Variants in EXOC4 observed in about 807,000 individuals in gnomAD.
EXOC4 encodes the protein SEC8-like 1.
Under a neutral mutation model 107.2 loss-of-function variants are expected in EXOC4, and 71 were observed. The ratio of observed to expected loss-of-function variants is 0.66; its 90% CI spans 0.55 to 0.81. The LOEUF (loss-of-function observed/expected upper bound fraction) is 0.81, where lower values mean the gene tolerates loss of function less well. Among genes scored for constraint, EXOC4 ranks in the 30% least tolerant of loss-of-function variants. The pLI is 0.00. For synonymous variants in EXOC4, 456 were observed against 441.2 expected (o/e 1.03, Z -0.42); for missense variants, 1,108 against 1,189.6 (o/e 0.93, Z 1.01).
intron 9 of EXOC4, among the ~76,000 whole-genome samples, chr7:133,591,078 TGAGTA>T (rs1375595691): frequency 6.6e-6 from 1 of 152,150 alleles, no homozygotes; most frequent in Non-Finnish European, 1.5e-5. Context: ...GGCTGTGGGC[TGAGTA>T]AAGAAGCCAC....
chr7:133,917,486 G>A, intron 12 of EXOC4, 97 bp from the exon 13 acceptor site: 1 of 1,197,796 alleles, frequency 8.3e-7, no homozygotes, highest in South Asian at 1.5e-5. Context: ...GGAGAGATGA[G>A]TGTGATTTCT....
chr7:133,363,995 A>C (rs571294037), intron 6 of EXOC4, among the ~76,000 whole-genome samples: 1 of 152,274 alleles, frequency 6.6e-6, no homozygotes, highest in African/African-American at 2.4e-5. Context: ...CTGTATTTCA[A>C]ATTGTCTGGG....
chr7:133,932,280 A>T (rs1165318332), intron 13 of EXOC4, among the ~76,000 whole-genome samples: 1 of 152,228 alleles, frequency 6.6e-6, no homozygotes, highest in Non-Finnish European at 1.5e-5. Context: ...CTTAAAGAGC[A>T]CTGTCAAGGG....
chr7:133,844,373 T>A (rs1214380032), intron 11 of EXOC4, among the ~76,000 whole-genome samples: 4 of 144,120 alleles, frequency 2.8e-5, no homozygotes, highest in South Asian at 4.5e-4. Flanking sequence ...GATTCCCACA[T>A]ATTCCTTTTT....
At chr7:133,980,372 T>TC (rs1432087629) in intron 14 of EXOC4, among the ~76,000 whole-genome samples, 1 of 152,252 alleles carries the variant, frequency 6.6e-6, no homozygotes, top group East Asian at 1.9e-4. Flanking sequence ...GCTGAGCACT[T>TC]ACTGTGTGCC....
intron 8 of EXOC4, among the ~76,000 whole-genome samples, chr7:133,476,903 T>G (rs929231318): frequency 1.3e-5 from 2 of 152,216 alleles, no homozygotes; most frequent in African/African-American, 4.8e-5. Flanking sequence ...ATGTTTTCTA[T>G]TGCGATCACG....
intron 9 of EXOC4, among the ~76,000 whole-genome samples, chr7:133,561,969 T>C (rs1215038448): frequency 6.6e-6 from 1 of 152,198 alleles, no homozygotes; most frequent in African/African-American, 2.4e-5. Context: ...AGCTCACATT[T>C]ATTTCAGTAT....
At chr7:134,037,625 A>G (rs1387495192) in intron 17 of EXOC4, among the ~76,000 whole-genome samples, 1 of 152,168 alleles carries the variant, frequency 6.6e-6, no homozygotes, top group Non-Finnish European at 1.5e-5. Flanking sequence ...CTTTATAAAC[A>G]TGAACGTGAA....
chr7:133,878,723 T>A (rs1382367774), intron 11 of EXOC4, among the ~76,000 whole-genome samples: 5 of 152,090 alleles, frequency 3.3e-5, no homozygotes, highest in Non-Finnish European at 7.4e-5. Context: ...GTTTTTTTTA[T>A]GTTTGTTTGT....
chr7:133,284,198 A>C (rs562560744), intron 2 of EXOC4, among the ~76,000 whole-genome samples: 1 of 152,298 alleles, frequency 6.6e-6, no homozygotes, highest in South Asian at 2.1e-4. Context: ...TCCTAGTGTG[A>C]AGTGACACAA....
intron 17 of EXOC4, among the ~76,000 whole-genome samples, chr7:134,051,289 T>C (rs1585353422): frequency 6.6e-6 from 1 of 152,182 alleles, no homozygotes; most frequent in South Asian, 2.1e-4. Context: ...CCCACCTGAC[T>C]GGCAGGAACA....
chr7:133,455,062 G>A (rs1288365976), intron 7 of EXOC4, among the ~76,000 whole-genome samples: 2 of 152,076 alleles, frequency 1.3e-5, no homozygotes, highest in Non-Finnish European at 2.9e-5. Flanking sequence ...CTCCAGCTGG[G>A]CAACAGAGTG....
At chr7:133,579,686 C>CT (rs11368284) in intron 9 of EXOC4, among the ~76,000 whole-genome samples, 140 of 139,798 alleles carry the variant, frequency 1.0e-3, no homozygotes, top group Admixed American at 3.4e-3. Context: ...CACAACTTTA[C>CT]TTTTTTTTTT....
intron 7 of EXOC4, 32 bp from the exon 8 acceptor site, chr7:133,475,296 A>G (rs1450049852): frequency 6.4e-7 from 1 of 1,552,644 alleles, no homozygotes; most frequent in Middle Eastern, 1.7e-4. Context: ...AAATGTGTAT[A>G]TTAACATTAA....
At chr7:133,358,616 C>G (rs1223453938) in intron 6 of EXOC4, among the ~76,000 whole-genome samples, 1 of 152,134 alleles carries the variant, frequency 6.6e-6, no homozygotes, top group Non-Finnish European at 1.5e-5. Context: ...TTCTGGTTTG[C>G]TCTTTGCCTG....
chr7:133,485,303 C>G (rs1449151985), intron 9 of EXOC4, among the ~76,000 whole-genome samples: 1 of 151,802 alleles, frequency 6.6e-6, no homozygotes, highest in Admixed American at 6.6e-5. Flanking sequence ...TTCTGACATT[C>G]ATTTCACTTG....
At chr7:133,614,305 A>T (rs147925103) in intron 9 of EXOC4, among the ~76,000 whole-genome samples, 1 of 152,256 alleles carries the variant, frequency 6.6e-6, no homozygotes, top group East Asian at 1.9e-4. Context: ...GAAAAGATGA[A>T]CAGCAGTTGC....
chr7:133,694,669 A>G (rs1036911913), intron 10 of EXOC4, among the ~76,000 whole-genome samples: 3 of 152,158 alleles, frequency 2.0e-5, no homozygotes, highest in African/African-American at 7.2e-5. Flanking sequence ...GATCAAGTCA[A>G]GGTAATTGGG....
intron 10 of EXOC4, among the ~76,000 whole-genome samples, chr7:133,704,727 C>T (rs1232844173): frequency 6.6e-6 from 1 of 152,074 alleles, no homozygotes; most frequent in Non-Finnish European, 1.5e-5. Flanking sequence ...AAAATCTGTC[C>T]TGGGAGGGTA....
Sources: gnomAD v4.1 joint callset for allele counts (sites outside exome capture counted in the v4.1 genomes callset) on GRCh38, gnomAD v4.1.1 for gene constraint, MANE v1.5 for transcripts, NCBI Gene and HGNC (gene_info 2026-07-23, HGNC 2026-07-21) for gene names.